The following SLC12A3 variants were observed in gnomAD, a reference collection of about 807,000 sequenced individuals.
SLC12A3 encodes the protein Na-Cl cotransporter.
Under a neutral mutation model 121.0 loss-of-function variants are expected in SLC12A3, and 104 were observed. That is an observed-to-expected ratio of 0.86 (90% CI 0.73 to 1.01). The LOEUF (loss-of-function observed/expected upper bound fraction) is 1.01. Among genes scored for constraint, SLC12A3 ranks in the 50% least tolerant of loss-of-function variants. The pLI is 0.00. For synonymous variants in SLC12A3, 536 were observed against 533.4 expected, an observed-to-expected ratio of 1.00 and a Z score of -0.07; for missense variants, 1,328 against 1,356.3, an observed-to-expected ratio of 0.98 and a Z score of 0.33.
intron 4 of SLC12A3, 46 bp from the exon 5 acceptor site, chr16:56,870,050 C>G: frequency 6.2e-7 from 1 of 1,607,054 alleles, no homozygotes. Context: ...TCCACCCCAG[C>G]CAACCGACTC....
At chr16:56,886,582 T>G in intron 16 of SLC12A3, 107 bp downstream of exon 16, 1 of 1,032,496 alleles carries the variant, frequency 9.7e-7, no homozygotes, top group South Asian at 1.3e-5. Context: ...GTCAGGAGTT[T>G]GAGACCAGCC....
intron 22 of SLC12A3, among the ~76,000 whole-genome samples, chr16:56,897,519 C>T (rs1386426699): frequency 6.6e-6 from 1 of 152,208 alleles, no homozygotes; most frequent in Non-Finnish European, 1.5e-5. Flanking sequence ...TCCTCACCCC[C>T]ACTAAGAACT....
At position 56,884,192 on chromosome 16, in the gene SLC12A3, T is replaced by C. The variant is rs2055279876; in HGVS notation, c.1813T>C (p.Tyr605His). ...GCTCTTCCTCCTGCTCTATGTCATCTACAAGAAGCCAGGTGCGCATCTCAG... is the reference window on the plus strand; with the variant it reads ...GCTCTTCCTCCTGCTCTATGTCATCCACAAGAAGCCAGGTGCGCATCTCAG... Reference protein sequence around the residue: ...VVLFLLLYVIYKKPEVNWGSS... With the variant: ...VVLFLLLYVIHKKPEVNWGSS... The change falls in exon 14 of 26, where the codon TAC becomes CAC. Residue 605 changes from tyrosine to histidine, a missense_variant. Tyr to His is a moderately conservative substitution (Grantham distance 83). Coordinates refer to ENST00000563236, the MANE Select transcript of SLC12A3 (RefSeq NM_001126108.2). The C allele has an allele frequency of 6.2e-7, 1 of 1,613,972 alleles. No individual in the cohort carries two copies.
At chr16:56,869,848 A>C in intron 4 of SLC12A3, 24 bp downstream of exon 4, 1 of 1,598,674 alleles carries the variant, frequency 6.3e-7, no homozygotes. Context: ...CTTTCCACCA[A>C]GGCCCTCCTC....
rs2144695935 is a variant in SLC12A3, at chr16:56,872,793, A to G, written c.1095+7A>G. ...CATATCTGGTGACCTCAAGGTGAGC[A>G]GAATACTTGCCCCTCCTGTGTCCTG... On this transcript the variant is annotated splice_region_variant and intron_variant, in intron 8 of 25. Transcript: ENST00000563236. 1.2e-6 allele frequency: 2 copies of G among 1,614,188 alleles called. No individual in the cohort carries two copies. Among genetic ancestry groups the G allele is most frequent in the Non-Finnish European group, 1.7e-6 (2 of 1,180,036 alleles).
At chr16:56,879,684 G>T (rs1410087398) in intron 11 of SLC12A3, 35 bp downstream of exon 11, 8 of 1,528,126 alleles carry the variant, frequency 5.2e-6, no homozygotes, top group East Asian at 2.2e-5. Context: ...ATGACAGGGG[G>T]TGGGGAGCCT....
chr16:56,880,034 G>C, intron 11 of SLC12A3, 96 bp from the exon 12 acceptor site: 3 of 1,518,440 alleles, frequency 2.0e-6, no homozygotes, highest in South Asian at 1.2e-5. Flanking sequence ...GGGAGGTCAC[G>C]GAGGGCACCG....
intron 25 of SLC12A3, among the ~76,000 whole-genome samples, chr16:56,911,173 G>A (rs1192471550): frequency 1.3e-5 from 2 of 152,212 alleles, no homozygotes; most frequent in African/African-American, 4.8e-5. Flanking sequence ...TTGCATAACT[G>A]CTCAGTCAGG....
At chr16:56,893,975 ATTTATTTATTTATTT>A (rs2055427440) in intron 21 of SLC12A3, among the ~76,000 whole-genome samples, 2 of 51,938 alleles carry the variant, frequency 3.9e-5, no homozygotes, top group African/African-American at 2.9e-4. Flanking sequence ...TTTTTATTTT[ATTTATTTATTTATTT>A]ATTTATTTAT....
rs535827479 is a variant in SLC12A3 at position 56,913,744 on chromosome 16, A to G, written c.*339A>G. 5.7e-4 allele frequency: 202 copies of G among 353,786 alleles called. 3 individuals are homozygous for G. Among genetic ancestry groups the G allele is most frequent in the South Asian group, 4.2e-3 (184 of 43,482 alleles). 21.9% of individuals were successfully genotyped at this position (353,786 alleles called of 1,614,324 possible). On this transcript the variant is annotated 3_prime_UTR_variant, in exon 26 of 26. Coordinates refer to ENST00000563236, the MANE Select transcript of SLC12A3 (RefSeq NM_001126108.2). ...TGATTTGTATGCAAATTGGAGTCCC[A>G]ATGCTGGGCGTGAATCTTGACAGTT...
At chr16:56,890,477 T>G in intron 19 of SLC12A3, 121 bp downstream of exon 19, 2 of 802,636 alleles carry the variant, frequency 2.5e-6, no homozygotes, top group Non-Finnish European at 4.2e-6. Context: ...CGCCTCTTAA[T>G]GGTCCCTTAG....
chr16:56,869,162 A>G (rs1964430714), intron 3 of SLC12A3, among the ~76,000 whole-genome samples: 1 of 152,136 alleles, frequency 6.6e-6, no homozygotes, highest in Admixed American at 6.5e-5. Flanking sequence ...ACAGGATGCA[A>G]GTAAAAACAC....
At position 56,887,794 on chromosome 16, in the gene SLC12A3, ATATATTTTTTT is replaced by A. The variant is rs1474083514; in HGVS notation, c.2179-129_2179-119del. 3.3e-3 allele frequency: 340 copies of A among 102,666 alleles called. 3 individuals carry two copies. Among genetic ancestry groups the A allele is most frequent in the East Asian group, 0.024 (90 of 3,728 alleles). The allele number at this position is 102,666 out of a possible 1,614,324, so 6.4% of individuals were successfully genotyped here. A position where few individuals can be genotyped will look rare whatever the true frequency, so the allele number is the denominator to read the frequency against. The stretch of plus-strand genomic sequence containing the variant: ...AGATTATATATATATATATATATAT[ATATATTTTTTT>A]TTTTTTTTTTTTTGAGAATCAGCAC... On this transcript the variant is annotated intron_variant, in intron 17 of 25. Coordinates refer to ENST00000563236, the MANE Select transcript of SLC12A3 (RefSeq NM_001126108.2).
At chr16:56,865,551 T>G (rs780958674) in intron 1 of SLC12A3, 34 bp downstream of exon 1, 1 of 1,604,618 alleles carries the variant, frequency 6.2e-7, no homozygotes, top group Admixed American at 1.7e-5. Flanking sequence ...GCCACTTCCC[T>G]GCTGTGTGAC....
In SLC12A3 at chr16:56,887,104, C is replaced by A. The variant is rs912767075; in HGVS notation, c.2178+11C>A. ...CAGATCCTCATGCAGGTGCCATGGA[C>A]TGGGGGCTCCCCTACAGGACTTACG... On this transcript the variant is annotated intron_variant, in intron 17 of 25. Transcript: ENST00000563236. 4 of 1,613,742 alleles carry A rather than the reference C, an allele frequency of 2.5e-6. No homozygotes were observed. Among genetic ancestry groups the A allele is most frequent in the Admixed American group, 1.7e-5 (1 of 60,004 alleles).
At chr16:56,877,109 C>T (rs968942474) in intron 8 of SLC12A3, among the ~76,000 whole-genome samples, 1 of 152,128 alleles carries the variant, frequency 6.6e-6, no homozygotes, top group Non-Finnish European at 1.5e-5. Context: ...AAAATACGAG[C>T]GGCCGGGCGC....
chr16:56,878,000 G>A lies in SLC12A3; in HGVS notation c.1096-77G>A, dbSNP rs149614864. The A allele has an allele frequency of 3.2e-4, 268 of 827,710 alleles. No individual in the cohort carries two copies. The African/African-American group carries it at 4.5e-3, about 14-fold the overall frequency. 51.3% of individuals were successfully genotyped at this position (827,710 alleles called of 1,614,324 possible). On this transcript the variant is annotated intron_variant, in intron 8 of 25. Coordinates refer to ENST00000563236, the MANE Select transcript of SLC12A3 (RefSeq NM_001126108.2). ...GAGGACAGGCCTGGAAGGAGGCCCAGGGGCTGCCTAATGTCCTCCGTCCCT... is the reference window on the plus strand; with the variant it reads ...GAGGACAGGCCTGGAAGGAGGCCCAAGGGCTGCCTAATGTCCTCCGTCCCT...
chr16:56,911,085 C>T (rs2144787734), intron 25 of SLC12A3, among the ~76,000 whole-genome samples: 2 of 152,312 alleles, frequency 1.3e-5, no homozygotes, highest in Middle Eastern at 3.4e-3. Flanking sequence ...GGTGCAGGCA[C>T]CATTTCTCTC....
intron 18 of SLC12A3, among the ~76,000 whole-genome samples, chr16:56,889,564 C>T (rs1223268675): frequency 2.6e-5 from 4 of 152,190 alleles, no homozygotes; most frequent in Admixed American, 2.6e-4. Flanking sequence ...ACAACCTCTG[C>T]CTCCCAGGTT....
Sources: allele counts gnomAD v4.1 joint callset (sites outside exome capture counted in the v4.1 genomes callset), GRCh38; gene constraint gnomAD v4.1.1; transcripts MANE v1.5; gene names NCBI Gene and HGNC (gene_info 2026-07-23, HGNC 2026-07-21).